The following LAMA3 variants were observed in gnomAD, a reference collection of about 807,000 sequenced individuals.
The protein encoded by LAMA3 is laminin subunit alpha-3.
LAMA3 carries 281 observed loss-of-function variants against 402.0 expected under a neutral mutation model. The observed-to-expected ratio is 0.70, with a 90% CI of 0.63 to 0.77. The LOEUF is 0.77. LAMA3 is among the 30% of genes least tolerant of loss of function. The probability of loss-of-function intolerance (pLI) is 0.00; values close to 1 mark genes in which losing one functional copy is unlikely to be tolerated. For missense variants in LAMA3, 3,840 were observed against 4,215.5 expected (o/e 0.91, Z 2.47); for synonymous variants, 1,431 against 1,558.4 (o/e 0.92, Z 1.93).
chr18:23,757,682 G>A (rs962684132), intron 6 of LAMA3, among the ~76,000 whole-genome samples: 2 of 152,234 alleles, frequency 1.3e-5, no homozygotes, highest in Non-Finnish European at 2.9e-5. Flanking sequence ...TCACACCAGG[G>A]CTGGACAATG....
chr18:23,772,328 C>G (rs2062218579), intron 8 of LAMA3, among the ~76,000 whole-genome samples: 1 of 152,238 alleles, frequency 6.6e-6, no homozygotes, highest in Non-Finnish European at 1.5e-5. Context: ...GCGTGAGCCA[C>G]TGCACCTGGG....
intron 12 of LAMA3, among the ~76,000 whole-genome samples, chr18:23,784,672 C>T (rs994491350): frequency 3.3e-5 from 5 of 151,984 alleles, no homozygotes; most frequent in South Asian, 2.1e-4. Context: ...CGGCAAGGGT[C>T]GCTGAAGGGG....
rs1207926328 is a variant in LAMA3 at position 23,689,722 on chromosome 18, G to A, written c.39G>A (p.Gly13=). The change falls in exon 1 of 75, where the codon GGG becomes GGA. Residue 13 remains glycine, a synonymous_variant. Coordinates refer to ENST00000313654, the MANE Select transcript of LAMA3 (RefSeq NM_198129.4). Reference sequence around the variant, plus strand: ...CGCGGCCTCGGGGTCGGGCACTGGGGCCAGTACTGCCGCCGACGCCGCTGC... The same window carrying A: ...CGCGGCCTCGGGGTCGGGCACTGGGACCAGTACTGCCGCCGACGCCGCTGC... ...AAARPRGRAL[G]PVLPPTPLLL... 1.4e-6 allele frequency: 2 copies of A among 1,469,490 alleles called. No individual in the cohort carries two copies. Among genetic ancestry groups the A allele is most frequent in the Non-Finnish European group, 1.8e-6 (2 of 1,115,042 alleles). 91.0% of individuals were successfully genotyped at this position (1,469,490 alleles called of 1,614,324 possible). A position where few individuals can be genotyped will look rare whatever the true frequency, so the allele number is the denominator to read the frequency against.
chr18:23,931,161 G>A lies in LAMA3; in HGVS notation c.8536G>A (p.Gly2846Ser). Residue 2846 changes from glycine (G) to serine (S), a missense_variant, in exon 65 of 75, where the codon GGT becomes AGT. Gly to Ser is a moderately conservative substitution (Grantham distance 56). This residue lies in a region of LAMA3 where 840 missense variants were observed against 981.9 expected (regional missense o/e 0.86). Transcript: ENST00000313654. ...IFKSPQTYMD[G>S]LLHYVSVISD... ...TAAATCTCCACAGACGTATATGGAT[G>A]GTTTACTGCATTATGTATCTGTAAT... 6.2e-7 allele frequency: 1 copy of A among 1,613,064 alleles called. No homozygotes were observed. Among genetic ancestry groups the A allele is most frequent in the South Asian group, 1.1e-5 (1 of 91,064 alleles).
At position 23,763,397 on chromosome 18, in the gene LAMA3, T is replaced by G. The variant is rs756841225; in HGVS notation, c.1064-8T>G. On this transcript the variant is annotated splice_region_variant and splice_polypyrimidine_tract_variant and intron_variant, in intron 7 of 74. Coordinates refer to ENST00000313654, the MANE Select transcript of LAMA3 (RefSeq NM_198129.4). ...TGAGAATATTGACTTATTATGCTTT[T>G]TTTTCAGCATGCAACTGCCACGGCC... The G allele has an allele frequency of 1.3e-6, 2 of 1,573,848 alleles. No homozygotes were observed. Among genetic ancestry groups the G allele is most frequent in the Non-Finnish European group, 1.7e-6 (2 of 1,143,362 alleles).
chr18:23,863,131 A>G (rs1381306160), intron 35 of LAMA3, among the ~76,000 whole-genome samples: 1 of 152,212 alleles, frequency 6.6e-6, no homozygotes, highest in African/African-American at 2.4e-5. Context: ...CATTAGCAGC[A>G]AGTCACTAAG....
chr18:23,904,242 G>T (rs1041398454), intron 50 of LAMA3, among the ~76,000 whole-genome samples, 155 bp downstream of exon 50: 4 of 152,130 alleles, frequency 2.6e-5, no homozygotes, highest in Non-Finnish European at 5.9e-5. Context: ...GCCCAAGTCA[G>T]AAGCAGAGCA....
chr18:23,751,958 A>T (rs2061759672), intron 5 of LAMA3, among the ~76,000 whole-genome samples: 1 of 152,200 alleles, frequency 6.6e-6, no homozygotes, highest in African/African-American at 2.4e-5. Context: ...CAGGGTGGAG[A>T]ACGTGGAGAG....
At chr18:23,889,285 G>C (rs572235539) in intron 41 of LAMA3, among the ~76,000 whole-genome samples, 1 of 152,208 alleles carries the variant, frequency 6.6e-6, no homozygotes, top group South Asian at 2.1e-4. Flanking sequence ...AAATTAACCA[G>C]GCCTGGTGGC....
chr18:23,937,957 T>A (rs540879660), intron 67 of LAMA3, among the ~76,000 whole-genome samples: 10 of 152,174 alleles, frequency 6.6e-5, no homozygotes, highest in Non-Finnish European at 1.2e-4. Context: ...GAAAACCCAC[T>A]GCAAAATTAA....
At chr18:23,891,989 A>C (rs1162474650) in intron 42 of LAMA3, among the ~76,000 whole-genome samples, 1 of 152,256 alleles carries the variant, frequency 6.6e-6, no homozygotes, top group Admixed American at 6.5e-5. Flanking sequence ...CAGTGAAAGG[A>C]AGAGCTGGAA....
intron 8 of LAMA3, among the ~76,000 whole-genome samples, chr18:23,773,247 T>C: frequency 6.6e-6 from 1 of 152,244 alleles, no homozygotes; most frequent in East Asian, 1.9e-4. Context: ...GGATAAAGCC[T>C]GGGCTTGTCC....
chr18:23,835,590 A>G (rs2144536741), intron 24 of LAMA3, among the ~76,000 whole-genome samples: 1 of 152,298 alleles, frequency 6.6e-6, no homozygotes, highest in African/African-American at 2.4e-5. Context: ...CAGTCTAGGA[A>G]ACACTTTCAT....
chr18:23,769,646 G>A (rs1373306563), intron 8 of LAMA3, among the ~76,000 whole-genome samples: 2 of 152,208 alleles, frequency 1.3e-5, no homozygotes, highest in African/African-American at 4.8e-5. Context: ...AACAGGGGAT[G>A]AAGTGCATGC....
chr18:23,695,769 C>CACCA (rs2060672476), intron 1 of LAMA3, among the ~76,000 whole-genome samples: 2 of 125,788 alleles, frequency 1.6e-5, no homozygotes, highest in Non-Finnish European at 3.1e-5. Flanking sequence ...TGCACTCCAG[C>CACCA]CTGGGTGACA....
At chr18:23,833,402 A>C (rs888110878) in intron 23 of LAMA3, among the ~76,000 whole-genome samples, 1 of 152,280 alleles carries the variant, frequency 6.6e-6, no homozygotes, top group East Asian at 1.9e-4. Context: ...TTAAAAAAAA[A>C]ACAATTAAAG....
chr18:23,811,376 G>A (rs929837016), intron 13 of LAMA3, among the ~76,000 whole-genome samples: 4 of 152,180 alleles, frequency 2.6e-5, no homozygotes, highest in Admixed American at 2.6e-4. Context: ...TTTGAAGACA[G>A]GACTGACTTC....
At chr18:23,894,123 G>A (rs989145623) in intron 42 of LAMA3, among the ~76,000 whole-genome samples, 175 bp from the exon 43 acceptor site, 7 of 149,892 alleles carry the variant, frequency 4.7e-5, no homozygotes. Flanking sequence ...TGTCTATTAG[G>A]TTGGTGCAAA....
chr18:23,814,941 C>A (rs575681838), intron 15 of LAMA3, among the ~76,000 whole-genome samples: 1 of 152,224 alleles, frequency 6.6e-6, no homozygotes, highest in Non-Finnish European at 1.5e-5. Flanking sequence ...CATGATGTTG[C>A]AGCTTTTGTC....
Sources: allele counts gnomAD v4.1 joint callset (sites outside exome capture counted in the v4.1 genomes callset), GRCh38; gene constraint gnomAD v4.1.1; regional missense constraint gnomAD v4.1.1; transcripts MANE v1.5; gene names NCBI Gene and HGNC (gene_info 2026-07-23, HGNC 2026-07-21).